Variants in CDH4 observed in about 807,000 individuals in gnomAD.
The protein encoded by CDH4 is cadherin 4, also known as cadherin-4.
CDH4 carries 33 observed loss-of-function variants against 86.0 expected under a neutral mutation model. That is an observed-to-expected ratio of 0.38 (90% confidence interval 0.29 to 0.51). CDH4 has a LOEUF of 0.51. Among genes scored for constraint, CDH4 ranks in the 20% least tolerant of loss-of-function variants. CDH4 has a pLI of 0.86. For synonymous variants in CDH4, 555 were observed against 549.4 expected, an observed-to-expected ratio of 1.01 and a Z score of -0.14; for missense variants, 1,114 against 1,307.4, an observed-to-expected ratio of 0.85 and a Z score of 2.28.
At chr20:61,897,745 G>A (rs763453296) in intron 8 of CDH4, among the ~76,000 whole-genome samples, 5 of 152,322 alleles carry the variant, frequency 3.3e-5, no homozygotes, top group Admixed American at 6.5e-5. Context: ...AGCCTCGTGC[G>A]CCTCCCAGAG....
Position 61,337,780 on chromosome 20 carries a change from A to T in CDH4, c.169+82843A>T, listed in dbSNP as rs13045924. ...TTTGAGCTGTGGTTTCTCCTTTAGT[A>T]TGTGTGCTTTATTCTACTTTCTAAA... On this transcript the variant is annotated intron_variant, in intron 2 of 15. Coordinates refer to ENST00000614565, the MANE Select transcript of CDH4 (RefSeq NM_001794.5). Among the ~76,000 whole-genome samples, 734 of 152,100 alleles carry T rather than the reference A, an allele frequency of 4.8e-3. 1 individual carries two copies. The highest frequency in any genetic ancestry group is 8.2e-3 in the Non-Finnish European group (559 of 68,018).
At chr20:61,391,458 A>G (rs189283566) in intron 2 of CDH4, among the ~76,000 whole-genome samples, 29 of 152,224 alleles carry the variant, frequency 1.9e-4, no homozygotes, top group Admixed American at 1.4e-3. Flanking sequence ...GAACCGCTTT[A>G]TTGGACTAAG....
chr20:61,909,238 G>T (rs1179352463), intron 8 of CDH4, among the ~76,000 whole-genome samples: 3 of 152,168 alleles, frequency 2.0e-5, no homozygotes, highest in Admixed American at 6.6e-5. Flanking sequence ...CGCCCGTCCT[G>T]GGAGGAAGGG....
chr20:61,553,296 C>T (rs1269772692), intron 2 of CDH4, among the ~76,000 whole-genome samples: 1 of 152,154 alleles, frequency 6.6e-6, no homozygotes, highest in Non-Finnish European at 1.5e-5. Context: ...GGAAAATGGA[C>T]AGAGACACTA....
intron 1 of CDH4, among the ~76,000 whole-genome samples, chr20:61,254,109 G>A (rs1427005314): frequency 6.6e-6 from 1 of 152,210 alleles, no homozygotes; most frequent in Non-Finnish European, 1.5e-5. Context: ...AAAGGCGAGC[G>A]AGCTCCGGAG....
chr20:61,926,923 C>T (rs571392855), intron 11 of CDH4, among the ~76,000 whole-genome samples: 2 of 152,244 alleles, frequency 1.3e-5, no homozygotes, highest in Admixed American at 6.5e-5. Flanking sequence ...GCTGGAACAT[C>T]GGAGCGTCCA....
At chr20:61,275,717 C>T (rs1368168587) in intron 2 of CDH4, among the ~76,000 whole-genome samples, 1 of 133,676 alleles carries the variant, frequency 7.5e-6, no homozygotes, top group East Asian at 2.2e-4. Flanking sequence ...AGTTTGGGGG[C>T]GTATCATGTG....
At chr20:61,396,759 C>G (rs1428853412) in intron 2 of CDH4, among the ~76,000 whole-genome samples, 2 of 152,188 alleles carry the variant, frequency 1.3e-5, no homozygotes, top group East Asian at 3.9e-4. Context: ...AATCAGTCGC[C>G]ATAGGCACAG....
chr20:61,764,564 C>T (rs2145974437), intron 3 of CDH4, among the ~76,000 whole-genome samples: 1 of 152,190 alleles, frequency 6.6e-6, no homozygotes, highest in South Asian at 2.1e-4. Flanking sequence ...GTGAACACAC[C>T]TTCCGCGCAG....
chr20:61,527,139 C>T (rs1400452180), intron 2 of CDH4, among the ~76,000 whole-genome samples: 1 of 152,258 alleles, frequency 6.6e-6, no homozygotes, highest in Non-Finnish European at 1.5e-5. Flanking sequence ...GTCAGCCTAC[C>T]CCTCTGCACT....
chr20:61,427,587 T>C (rs2085221977), intron 2 of CDH4, among the ~76,000 whole-genome samples: 1 of 151,950 alleles, frequency 6.6e-6, no homozygotes, highest in African/African-American at 2.4e-5. Flanking sequence ...TGACATATTA[T>C]TTTGCACATT....
intron 7 of CDH4, among the ~76,000 whole-genome samples, chr20:61,884,858 G>C (rs554017540): frequency 1.3e-5 from 2 of 152,270 alleles, no homozygotes; most frequent in South Asian, 4.1e-4. Flanking sequence ...TTCCTGGAGA[G>C]GGACTCAGCC....
intron 2 of CDH4, among the ~76,000 whole-genome samples, chr20:61,702,506 G>A (rs769726845): frequency 2.0e-5 from 3 of 152,222 alleles, no homozygotes; most frequent in Non-Finnish European, 4.4e-5. Context: ...CGCACTGTGT[G>A]TTGTTACGGT....
chr20:61,577,976 GC>G (rs2086396318), intron 2 of CDH4, among the ~76,000 whole-genome samples: 1 of 151,966 alleles, frequency 6.6e-6, no homozygotes, highest in African/African-American at 2.4e-5. Flanking sequence ...CTTCCCTGAG[GC>G]CCCCTGTCCC....
intron 3 of CDH4, among the ~76,000 whole-genome samples, chr20:61,762,422 C>T (rs999156048): frequency 2.0e-5 from 3 of 152,232 alleles, no homozygotes; most frequent in African/African-American, 7.2e-5. Context: ...ATTTCCACTT[C>T]TGGAGACATT....
chr20:61,604,686 A>T (rs1257478819), intron 2 of CDH4, among the ~76,000 whole-genome samples: 1 of 152,152 alleles, frequency 6.6e-6, no homozygotes, highest in African/African-American at 2.4e-5. Flanking sequence ...ACACGTGCAC[A>T]TGCATCCCTC....
chr20:61,873,372 T>C (rs1054842429), intron 6 of CDH4, among the ~76,000 whole-genome samples: 1 of 152,226 alleles, frequency 6.6e-6, no homozygotes, highest in Non-Finnish European at 1.5e-5. Flanking sequence ...TTGGACGCAC[T>C]GTCGGGGCCT....
rs2087059690 is a variant in CDH4 at position 61,646,213 on chromosome 20, G to T, written c.170-97350G>T. ...AAAGAACCCGGCACCTAGATCAGGGGCCTCTTCACGCTGCCTGGATGTCCG... is the reference window on the plus strand; with the variant it reads ...AAAGAACCCGGCACCTAGATCAGGGTCCTCTTCACGCTGCCTGGATGTCCG... On this transcript the variant is annotated intron_variant, in intron 2 of 15. Coordinates refer to ENST00000614565, the MANE Select transcript of CDH4 (RefSeq NM_001794.5). Among the ~76,000 whole-genome samples the T allele has an allele frequency of 5.9e-5, 9 of 152,102 alleles. No homozygotes were observed. In the South Asian group the frequency reaches 1.9e-3, roughly 32 times the overall value.
intron 2 of CDH4, among the ~76,000 whole-genome samples, chr20:61,261,860 C>T (rs1468554951): frequency 6.6e-6 from 1 of 152,306 alleles, no homozygotes; most frequent in Admixed American, 6.5e-5. Flanking sequence ...GGTCTAAACT[C>T]TCGACACCGG....
Sources: gnomAD v4.1 joint callset for allele counts (sites outside exome capture counted in the v4.1 genomes callset) on GRCh38, gnomAD v4.1.1 for gene constraint, MANE v1.5 for transcripts, NCBI Gene and HGNC (gene_info 2026-07-23, HGNC 2026-07-21) for gene names.